ANXA3: variants seen among roughly 807,000 people sequenced by gnomAD.
ANXA3 encodes the protein 35-alpha calcimedin.
Under a neutral mutation model 48.8 loss-of-function variants are expected in ANXA3, and 46 were observed. The ratio of observed to expected loss-of-function variants is 0.94; its 90% CI spans 0.74 to 1.21. ANXA3 has a LOEUF of 1.21. Ranked by LOEUF, ANXA3 falls within the 50% of genes most tolerant of loss-of-function variation. The pLI, the probability that ANXA3 is intolerant of heterozygous loss-of-function variation, is 0.00. For synonymous variants in ANXA3, 128 were observed against 134.7 expected, an observed-to-expected ratio of 0.95 and a Z score of 0.35; for missense variants, 383 against 378.6, an observed-to-expected ratio of 1.01 and a Z score of -0.10.
intron 3 of ANXA3, among the ~76,000 whole-genome samples, chr4:78,573,545 C>T (rs1202368830): frequency 6.6e-6 from 1 of 152,156 alleles, no homozygotes; most frequent in Non-Finnish European, 1.5e-5. Context: ...TATCCAGACT[C>T]TTGACACCAT....
At chr4:78,599,811 G>A (rs1411512288) in intron 10 of ANXA3, among the ~76,000 whole-genome samples, 1 of 151,956 alleles carries the variant, frequency 6.6e-6, no homozygotes, top group African/African-American at 2.4e-5. Flanking sequence ...TGTAGTCCCA[G>A]CTACTCAAGG....
chr4:78,597,472 G>A (rs544019292), intron 10 of ANXA3, 58 bp downstream of exon 10: 47 of 1,158,964 alleles, frequency 4.1e-5, no homozygotes, highest in South Asian at 2.9e-4. Context: ...ACTCAGTGCC[G>A]AGGCCTGCTC....
intron 9 of ANXA3, among the ~76,000 whole-genome samples, chr4:78,596,274 G>A: frequency 6.6e-6 from 1 of 152,222 alleles, no homozygotes; most frequent in East Asian, 1.9e-4. Flanking sequence ...AGACACTGCA[G>A]GTGAGTCTCT....
chr4:78,589,448 C>T (rs1041613551), intron 6 of ANXA3, among the ~76,000 whole-genome samples: 2 of 152,168 alleles, frequency 1.3e-5, no homozygotes, highest in African/African-American at 2.4e-5. Flanking sequence ...CAGCACTACC[C>T]GAGGGACCCA....
At chr4:78,560,893 T>C (rs1722613555) in intron 2 of ANXA3, among the ~76,000 whole-genome samples, 1 of 152,182 alleles carries the variant, frequency 6.6e-6, no homozygotes, top group Non-Finnish European at 1.5e-5. Flanking sequence ...TAACTCACAT[T>C]AAGGCACACA....
chr4:78,599,189 T>C (rs1181877718), intron 10 of ANXA3, among the ~76,000 whole-genome samples: 1 of 152,228 alleles, frequency 6.6e-6, no homozygotes, highest in Admixed American at 6.5e-5. Context: ...TGCTTTTTAA[T>C]GTAGTCACAA....
intron 3 of ANXA3, 29 bp from the exon 4 acceptor site, chr4:78,578,998 T>G: frequency 6.8e-7 from 1 of 1,477,600 alleles, no homozygotes; most frequent in East Asian, 2.3e-5. Flanking sequence ...AGCATAAATA[T>G]TGAGTAAAAT....
At position 78,551,871 on chromosome 4, in the gene ANXA3, C is replaced by G. The variant is rs1393183807; in HGVS notation, c.-39+12C>G. The G allele has an allele frequency of 1.3e-5, 2 of 152,314 alleles. No individual in the cohort carries two copies. Among genetic ancestry groups the G allele is most frequent in the African/African-American group, 2.4e-5 (1 of 41,472 alleles). The allele number at this position is 152,314 out of a possible 1,614,324, so 9.4% of individuals were successfully genotyped here. On this transcript the variant is annotated intron_variant, in intron 1 of 12. Coordinates refer to ENST00000264908, the MANE Select transcript of ANXA3 (RefSeq NM_005139.3). ...CCACCGCGCTTTGGGTAAGTTCAGC[C>G]TCCCGGCGCGTCCCCGCGAGCCTCG...
In ANXA3 at chr4:78,586,317, C is replaced by A; in HGVS notation, c.370C>A (p.Gln124Lys). The A allele has an allele frequency of 1.2e-6, 2 of 1,613,538 alleles. No individual in the cohort carries two copies. Among genetic ancestry groups the A allele is most frequent in the South Asian group, 1.1e-5 (1 of 91,050 alleles). Reference sequence around the variant, plus strand: ...AATCTTAACTACCAGGACAAGCAGGCAAATGAAGGATATCTCTCAAGCCTA... The same window carrying A: ...AATCTTAACTACCAGGACAAGCAGGAAAATGAAGGATATCTCTCAAGCCTA... ...IEILTTRTSRQMKDISQAYYT... is the reference protein window; with the variant it reads ...IEILTTRTSRKMKDISQAYYT... Residue 124 changes from glutamine (Q) to lysine (K), a missense_variant, in exon 6 of 13, where the codon CAA (glutamine) becomes AAA (lysine). Physicochemically the swap from Gln to Lys is moderately conservative, Grantham distance 53. Transcript: ENST00000264908.
intron 2 of ANXA3, among the ~76,000 whole-genome samples, chr4:78,568,992 T>C (rs1299326206): frequency 1.3e-5 from 2 of 152,244 alleles, no homozygotes; most frequent in East Asian, 3.8e-4. Flanking sequence ...GGATTTATTA[T>C]ATCTACCTTA....
intron 1 of ANXA3, among the ~76,000 whole-genome samples, chr4:78,553,375 C>G (rs1398215537): frequency 6.6e-6 from 1 of 152,086 alleles, no homozygotes; most frequent in East Asian, 1.9e-4. Context: ...CCAGTGCACA[C>G]AGATAAGAAG....
chr4:78,567,619 C>A (rs764551638), intron 2 of ANXA3, among the ~76,000 whole-genome samples: 2 of 152,028 alleles, frequency 1.3e-5, no homozygotes, highest in Admixed American at 6.6e-5. Context: ...TAGAAAAGGA[C>A]CTTTGAATCT....
At chr4:78,552,585 G>C (rs1722420705) in intron 1 of ANXA3, among the ~76,000 whole-genome samples, 1 of 152,076 alleles carries the variant, frequency 6.6e-6, no homozygotes. Context: ...CCATATATAG[G>C]AAAGTATGCA....
At chr4:78,581,749 C>T (rs1451567713) in intron 4 of ANXA3, among the ~76,000 whole-genome samples, 2 of 152,204 alleles carry the variant, frequency 1.3e-5, no homozygotes, top group African/African-American at 4.8e-5. Context: ...AGCCACTGTC[C>T]TCCCTTCCCC....
chr4:78,581,072 T>G (rs1000277760), intron 4 of ANXA3, among the ~76,000 whole-genome samples: 3 of 152,134 alleles, frequency 2.0e-5, no homozygotes, highest in Admixed American at 2.0e-4. Context: ...GTAGTGAAAT[T>G]TACCATTTAG....
In ANXA3 at chr4:78,606,632, G is replaced by T. The variant is rs576824917; in HGVS notation, c.912+2233G>T. ...AAATATTAGCCTGGGTCTTTCTGCAGCTATCTTGGGAAGGTTTCTGCCTCT... is the reference window on the plus strand; with the variant it reads ...AAATATTAGCCTGGGTCTTTCTGCATCTATCTTGGGAAGGTTTCTGCCTCT... On this transcript the variant is annotated intron_variant, in intron 12 of 12. Transcript: ENST00000264908. Among the ~76,000 whole-genome samples, 168 of 152,276 alleles carry T rather than the reference G, an allele frequency of 1.1e-3. No homozygotes were observed. In the Middle Eastern group the frequency reaches 0.02, roughly 18 times the overall value.
At chr4:78,608,606 C>T (rs944600535) in intron 12 of ANXA3, among the ~76,000 whole-genome samples, 14 of 152,016 alleles carry the variant, frequency 9.2e-5, no homozygotes, top group Non-Finnish European at 1.9e-4. Flanking sequence ...ACTTAAGGGA[C>T]TTGGTATAAT....
chr4:78,593,310 C>T (rs77419212), intron 7 of ANXA3, among the ~76,000 whole-genome samples: 1 of 152,060 alleles, frequency 6.6e-6, no homozygotes, highest in Non-Finnish European at 1.5e-5. Flanking sequence ...TCAAGCAATT[C>T]TCCTGCCTCA....
intron 7 of ANXA3, among the ~76,000 whole-genome samples, chr4:78,593,146 CA>C (rs1405405818): frequency 0.014 from 2,085 of 151,448 alleles, 52 homozygotes; most frequent in African/African-American, 0.047. Context: ...CACACACACA[CA>C]CACACCACTT....
Sources: allele counts gnomAD v4.1 joint callset (sites outside exome capture counted in the v4.1 genomes callset), GRCh38; gene constraint gnomAD v4.1.1; transcripts MANE v1.5; gene names NCBI Gene and HGNC (gene_info 2026-07-23, HGNC 2026-07-21).